Variants in P2RY8 observed in about 807,000 individuals in gnomAD.
P2RY8 encodes the protein P2Y receptor family member 8.
P2RY8 carries 6 observed loss-of-function variants against 10.0 expected under a neutral mutation model. The ratio of observed to expected loss-of-function variants is 0.60; its 90% CI spans 0.33 to 1.19. The LOEUF is 1.19. Ranked by LOEUF, P2RY8 falls within the 50% of genes most tolerant of loss-of-function variation. The pLI, the probability that P2RY8 is intolerant of heterozygous loss-of-function variation, is 0.04. For missense variants in P2RY8, 456 were observed against 542.0 expected, an observed-to-expected ratio of 0.84 and a Z score of 1.58; for synonymous variants, 276 against 252.5, an observed-to-expected ratio of 1.09 and a Z score of -0.88.
intron 1 of P2RY8, among the ~76,000 whole-genome samples, chrX:1,498,360 C>A (rs1281045304): frequency 2.9e-5 from 4 of 137,410 alleles, no homozygotes; most frequent in African/African-American, 1.1e-4. Context: ...GAGCCGAGAT[C>A]GCGCCACTGC....
At chrX:1,473,372 A>AGTGGGTGGGTGG (rs1321923440) in intron 1 of P2RY8, among the ~76,000 whole-genome samples, 1 of 22,044 alleles carries the variant, frequency 4.5e-5, no homozygotes, top group Non-Finnish European at 8.6e-5. Context: ...TGAATGGGTG[A>AGTGGGTGGGTGG]GTGGGTGGGT....
intron 1 of P2RY8, among the ~76,000 whole-genome samples, chrX:1,472,850 G>GGTTTGTGA (rs2091809679): frequency 6.7e-6 from 1 of 149,254 alleles, no homozygotes; most frequent in South Asian, 2.1e-4. Context: ...TGGGTGGGTG[G>GGTTTGTGA]ATGGATGAGT....
intron 1 of P2RY8, among the ~76,000 whole-genome samples, chrX:1,518,442 T>A (rs766871652): frequency 0.058 from 8,278 of 143,114 alleles, 352 homozygotes; most frequent in South Asian, 0.092. Context: ...AAAAAAATAA[T>A]AATAATATAA....
At chrX:1,503,576 CG>C (rs2092200116) in intron 1 of P2RY8, among the ~76,000 whole-genome samples, 1 of 150,996 alleles carries the variant, frequency 6.6e-6, no homozygotes, top group Admixed American at 6.6e-5. Context: ...GCCTGGCCAA[CG>C]TGGTAAACCC....
chrX:1,473,827 G>T, intron 1 of P2RY8, among the ~76,000 whole-genome samples: 1 of 150,364 alleles, frequency 6.7e-6, no homozygotes, highest in Non-Finnish European at 1.5e-5. Context: ...TGGGTGGGTG[G>T]GTGGATGGGT....
intron 1 of P2RY8, among the ~76,000 whole-genome samples, chrX:1,517,026 G>A (rs746228805): frequency 1.5e-3 from 221 of 152,148 alleles, no homozygotes; most frequent in African/African-American, 5.1e-3. Context: ...ACACACAGAT[G>A]GACGACTCTG....
chrX:1,483,908 A>G (rs1276638132), intron 1 of P2RY8, among the ~76,000 whole-genome samples: 1 of 151,462 alleles, frequency 6.6e-6, no homozygotes, highest in South Asian at 2.1e-4. Flanking sequence ...CTAAACCCAA[A>G]CCTGAGCTCC....
In P2RY8 at chrX:1,466,537, C is replaced by T. The variant is rs748763542; in HGVS notation, c.22G>A (p.Gly8Ser). The part of the protein sequence containing the change: MQVPNST[G>S]PDNATLQMLR... ...ATCTGCAGCGTCGCGTTGTCCGGGC[C>T]GGTGCTGTTCGGGACCTGCATCCTG... The change falls in exon 2 of 2, where the codon GGC becomes AGC. Residue 8 changes from glycine to serine, a missense_variant. Transcript: ENST00000381297. 12 of 1,607,350 alleles carry T rather than the reference C, an allele frequency of 7.5e-6. No individual in the cohort carries two copies. The East Asian group carries it at 1.1e-4, about 15-fold the overall frequency.
chrX:1,493,227 G>A (rs2149392516), intron 1 of P2RY8, among the ~76,000 whole-genome samples: 1 of 149,766 alleles, frequency 6.7e-6, no homozygotes, highest in East Asian at 2.0e-4. Context: ...GGCGGAGGTT[G>A]CAGTGAGCAG....
At chrX:1,489,238 C>T (rs2092017630) in intron 1 of P2RY8, among the ~76,000 whole-genome samples, 1 of 150,046 alleles carries the variant, frequency 6.7e-6, no homozygotes, top group Admixed American at 6.6e-5. Context: ...CCCAGAGATT[C>T]CCCACAAATG....
At position 1,508,702 on chromosome X, in the gene P2RY8, C is replaced by CATCT. The variant is rs1224676271; in HGVS notation, c.-25+28218_-25+28219insAGAT. 2.1e-4 allele frequency among the ~76,000 whole-genome samples: 18 copies of CATCT among 86,498 alleles called. 1 individual carries two copies. Among genetic ancestry groups the CATCT allele is most frequent in the Admixed American group, 5.8e-4 (5 of 8,674 alleles). 56.7% of individuals were successfully genotyped at this position (86,498 alleles called of 152,430 possible). A position where few individuals can be genotyped will look rare whatever the true frequency, so the allele number is the denominator to read the frequency against. ...TCCATCATCCATCCATCCATCCATC[C>CATCT]ATTCTATCTATCTATCTATCTATCT... On this transcript the variant is annotated intron_variant, in intron 1 of 1. Coordinates refer to ENST00000381297, the MANE Select transcript of P2RY8 (RefSeq NM_178129.5).
intron 1 of P2RY8, among the ~76,000 whole-genome samples, chrX:1,508,606 A>G (rs1290164099): frequency 3.1e-4 from 28 of 91,490 alleles, no homozygotes; most frequent in South Asian, 1.6e-3. Flanking sequence ...CTAGCCATCT[A>G]TCTATCTATC....
intron 1 of P2RY8, among the ~76,000 whole-genome samples, chrX:1,513,125 C>G (rs1271094264): frequency 6.7e-6 from 1 of 148,334 alleles, no homozygotes; most frequent in African/African-American, 2.5e-5. Flanking sequence ...TGCGGCATTT[C>G]ATTTTCTGTT....
chrX:1,498,178 G>T (rs533719913), intron 1 of P2RY8, among the ~76,000 whole-genome samples: 1 of 151,994 alleles, frequency 6.6e-6, no homozygotes, highest in African/African-American at 2.4e-5. Context: ...AGGCCGAGGC[G>T]GGCAGATCGC....
chrX:1,473,571 A>G (rs2091826675), intron 1 of P2RY8, among the ~76,000 whole-genome samples: 1 of 94,998 alleles, frequency 1.1e-5, no homozygotes, highest in Non-Finnish European at 2.5e-5. Context: ...TGGGTTTGTG[A>G]ATGGGTGGGT....
chrX:1,508,059 C>T (rs1457303629), intron 1 of P2RY8, among the ~76,000 whole-genome samples: 1 of 152,086 alleles, frequency 6.6e-6, no homozygotes, highest in Non-Finnish European at 1.5e-5. Context: ...ATGCCCCTGT[C>T]CCCCCGACGC....
At chrX:1,510,747 C>T (rs1463304326) in intron 1 of P2RY8, among the ~76,000 whole-genome samples, 4 of 152,192 alleles carry the variant, frequency 2.6e-5, no homozygotes, top group South Asian at 4.2e-4. Context: ...GGCACGGTGG[C>T]GTGCACCTGT....
chrX:1,497,438 G>A (rs776733703), intron 1 of P2RY8, among the ~76,000 whole-genome samples: 34 of 151,484 alleles, frequency 2.2e-4, no homozygotes, highest in African/African-American at 8.0e-4. Context: ...TGGGCAGATC[G>A]CCTGAGGTTG....
chrX:1,488,547 G>A (rs1255874303), intron 1 of P2RY8, among the ~76,000 whole-genome samples: 1 of 152,048 alleles, frequency 6.6e-6, no homozygotes, highest in African/African-American at 2.4e-5. Context: ...CCTCCTTCTT[G>A]GGGCATCAGC....
Sources: gnomAD v4.1 joint callset for allele counts (sites outside exome capture counted in the v4.1 genomes callset) on GRCh38, gnomAD v4.1.1 for gene constraint, MANE v1.5 for transcripts, NCBI Gene and HGNC (gene_info 2026-07-23, HGNC 2026-07-21) for gene names.